ANKS1B: variants seen among roughly 807,000 people sequenced by gnomAD.
The protein encoded by ANKS1B is ankyrin repeat and sterile alpha motif domain containing 1B, also known as ankyrin repeat and sterile alpha motif domain-containing protein 1B.
ANKS1B carries 36 observed loss-of-function variants against 148.3 expected under a neutral mutation model. That is an observed-to-expected ratio of 0.24 (90% CI 0.19 to 0.32). The LOEUF (loss-of-function observed/expected upper bound fraction) is 0.32, where lower values mean the gene tolerates loss of function less well. Among genes scored for constraint, ANKS1B ranks in the 10% least tolerant of loss-of-function variants. ANKS1B has a pLI of 1.00. For missense variants in ANKS1B, 1,157 were observed against 1,542.6 expected (o/e 0.75, Z 4.19); for synonymous variants, 542 against 560.8 (o/e 0.97, Z 0.47).
intron 9 of ANKS1B, among the ~76,000 whole-genome samples, chr12:99,509,812 T>C (rs1156776035): frequency 6.6e-6 from 1 of 152,028 alleles, no homozygotes; most frequent in Non-Finnish European, 1.5e-5. Context: ...TTTAGGACTT[T>C]CACAGCTAGA....
intron 8 of ANKS1B, among the ~76,000 whole-genome samples, chr12:99,768,262 C>T (rs1378821308): frequency 6.6e-6 from 1 of 152,068 alleles, no homozygotes; most frequent in Non-Finnish European, 1.5e-5. Flanking sequence ...CATCATTTAA[C>T]CAGTAATATA....
In ANKS1B at chr12:99,731,980, C is replaced by T. The variant is rs189310902; in HGVS notation, c.1128+40942G>A. Among the ~76,000 whole-genome samples, 12 of 152,132 alleles carry T rather than the reference C, an allele frequency of 7.9e-5. No individual in the cohort carries two copies. The East Asian group carries it at 2.3e-3, about 29-fold the overall frequency. On this transcript the variant is annotated intron_variant, in intron 8 of 26. Coordinates refer to ENST00000683438, the MANE Select transcript of ANKS1B (RefSeq NM_001352186.2). The stretch of plus-strand genomic sequence containing the variant: ...CAACTGAATAATAATATAGACAATC[C>T]AATTTAAAAATGGGCAAAAGTTTGA...
intron 17 of ANKS1B, among the ~76,000 whole-genome samples, chr12:98,852,832 G>A (rs1296885551): frequency 6.6e-6 from 1 of 152,082 alleles, no homozygotes; most frequent in East Asian, 1.9e-4. Context: ...AAGGCTCGGG[G>A]GTGCAGGGTG....
At chr12:99,750,025 A>T (rs762506273) in intron 8 of ANKS1B, among the ~76,000 whole-genome samples, 2 of 152,100 alleles carry the variant, frequency 1.3e-5, no homozygotes, top group Non-Finnish European at 2.9e-5. Context: ...TGTCCACCAG[A>T]CAGTACAAAT....
At chr12:99,258,667 AT>A (rs1280889216) in intron 12 of ANKS1B, among the ~76,000 whole-genome samples, 2 of 132,894 alleles carry the variant, frequency 1.5e-5, no homozygotes, top group Admixed American at 7.8e-5. Context: ...TAGTACATTC[AT>A]TTTTTTCCAA....
intron 8 of ANKS1B, among the ~76,000 whole-genome samples, chr12:99,665,412 TCTC>T (rs2153459159): frequency 6.6e-6 from 1 of 152,328 alleles, no homozygotes; most frequent in African/African-American, 2.4e-5. Flanking sequence ...CTAAATATCT[TCTC>T]CTGTGCTTAG....
chr12:99,910,380 G>A lies in ANKS1B; in HGVS notation c.134+73724C>T, dbSNP rs947638824. 5.3e-4 allele frequency among the ~76,000 whole-genome samples: 68 copies of A among 128,176 alleles called. No homozygotes were observed. In the Middle Eastern group the frequency reaches 0.014, roughly 27 times the overall value. 84.1% of individuals were successfully genotyped at this position (128,176 alleles called of 152,430 possible). A position where few individuals can be genotyped will look rare whatever the true frequency, so the allele number is the denominator to read the frequency against. On this transcript the variant is annotated intron_variant, in intron 1 of 26. Transcript: ENST00000683438. ...AAAAAAAAAAAAAAAAAAAAAAAGAGGAATAAAGTACAGATACATGCAATA... is the reference window on the plus strand; with the variant it reads ...AAAAAAAAAAAAAAAAAAAAAAAGAAGAATAAAGTACAGATACATGCAATA...
intron 9 of ANKS1B, among the ~76,000 whole-genome samples, chr12:99,632,750 TATATATATATATATA>T (rs1393986818): frequency 2.8e-4 from 32 of 112,408 alleles, no homozygotes; most frequent in African/African-American, 9.2e-4. Flanking sequence ...TATATATATA[TATATATATATATATA>T]TATTTTAATT....
At chr12:99,281,243 A>C (rs1026850120) in intron 12 of ANKS1B, among the ~76,000 whole-genome samples, 16 of 152,202 alleles carry the variant, frequency 1.1e-4, no homozygotes, top group African/African-American at 3.9e-4. Context: ...TTTATGTATT[A>C]TGGCAGCTAG....
intron 12 of ANKS1B, among the ~76,000 whole-genome samples, chr12:99,278,332 T>C (rs1409711524): frequency 6.6e-6 from 1 of 152,220 alleles, no homozygotes; most frequent in Non-Finnish European, 1.5e-5. Context: ...TGTTGAATCC[T>C]GCAAGGTCTC....
chr12:99,270,198 A>T (rs1458493719), intron 12 of ANKS1B, among the ~76,000 whole-genome samples: 10 of 152,116 alleles, frequency 6.6e-5, no homozygotes, highest in Admixed American at 6.6e-4. Flanking sequence ...TCTCTTACCT[A>T]GTCAGTATCT....
At chr12:99,809,010 C>T (rs1395580603) in intron 3 of ANKS1B, among the ~76,000 whole-genome samples, 1 of 152,084 alleles carries the variant, frequency 6.6e-6, no homozygotes, top group African/African-American at 2.4e-5. Context: ...TCAGTGGACG[C>T]CACAACGGTG....
intron 1 of ANKS1B, among the ~76,000 whole-genome samples, chr12:99,893,168 T>C (rs1462903498): frequency 6.6e-6 from 1 of 152,070 alleles, no homozygotes; most frequent in African/African-American, 2.4e-5. Context: ...CCTAGCACTT[T>C]GGGAGGCCGA....
At chr12:99,285,418 T>C (rs764662903) in intron 12 of ANKS1B, among the ~76,000 whole-genome samples, 1 of 152,252 alleles carries the variant, frequency 6.6e-6, no homozygotes, top group East Asian at 1.9e-4. Context: ...AAAGCTACTA[T>C]GGACATTTGT....
intron 9 of ANKS1B, among the ~76,000 whole-genome samples, chr12:99,555,136 T>C (rs1463422561): frequency 2.6e-5 from 4 of 152,178 alleles, no homozygotes; most frequent in South Asian, 2.1e-4. Context: ...CATAGGTCTT[T>C]ATGGTAGAAC....
At chr12:99,058,461 C>A (rs936524619) in intron 16 of ANKS1B, among the ~76,000 whole-genome samples, 1 of 151,842 alleles carries the variant, frequency 6.6e-6, no homozygotes, top group African/African-American at 2.4e-5. Flanking sequence ...GTTGCCCAGG[C>A]TGGTCTCAAA....
At chr12:99,376,416 A>C (rs2152491101) in intron 12 of ANKS1B, among the ~76,000 whole-genome samples, 1 of 152,326 alleles carries the variant, frequency 6.6e-6, no homozygotes, top group South Asian at 2.1e-4. Context: ...TACCAAGTTC[A>C]CTTTATCTGG....
intron 1 of ANKS1B, among the ~76,000 whole-genome samples, chr12:99,830,208 G>A (rs530003162): frequency 1.3e-5 from 2 of 152,270 alleles, no homozygotes; most frequent in African/African-American, 2.4e-5. Context: ...CCTCCAAAGA[G>A]CTGACAATCT....
At chr12:99,980,015 GAAGA>G in intron 1 of ANKS1B, among the ~76,000 whole-genome samples, 1 of 150,454 alleles carries the variant, frequency 6.6e-6, no homozygotes, top group African/African-American at 2.4e-5. Flanking sequence ...GAGTCAGAAA[GAAGA>G]AAAAAAAGAG....
Sources: gnomAD v4.1 joint callset for allele counts (sites outside exome capture counted in the v4.1 genomes callset) on GRCh38, gnomAD v4.1.1 for gene constraint, MANE v1.5 for transcripts, NCBI Gene and HGNC (gene_info 2026-07-23, HGNC 2026-07-21) for gene names.